The following TTC21B variants were observed in gnomAD, a reference collection of about 807,000 sequenced individuals.
TTC21B encodes the protein tetratricopeptide repeat domain 21B.
TTC21B carries 127 observed loss-of-function variants against 175.1 expected under a neutral mutation model. The observed-to-expected ratio is 0.73, with a 90% CI of 0.63 to 0.84. The LOEUF (loss-of-function observed/expected upper bound fraction) is 0.84, where lower values mean the gene tolerates loss of function less well. Ranked by LOEUF, TTC21B falls within the 40% of genes least tolerant of loss-of-function variation. TTC21B has a pLI of 0.00. For synonymous variants in TTC21B, 524 were observed against 524.5 expected (o/e 1.00, Z 0.01); for missense variants, 1,561 against 1,558.3 (o/e 1.00, Z -0.03).
chr2:165,949,861 T>C, intron 1 of TTC21B, 137 bp from the exon 2 acceptor site: 1 of 777,588 alleles, frequency 1.3e-6, no homozygotes, highest in Non-Finnish European at 2.1e-6. Context: ...TTTCTTAAAA[T>C]ACTATTAATG....
In TTC21B at chr2:165,901,713, G is replaced by T. The variant is rs1158816068; in HGVS notation, c.2757+9C>A. 1 of 1,611,664 alleles carries T rather than the reference G, an allele frequency of 6.2e-7. No homozygotes were observed. The highest frequency in any genetic ancestry group is 8.5e-7 in the Non-Finnish European group (1 of 1,177,968). On this transcript the variant is annotated intron_variant, in intron 20 of 28. Transcript: ENST00000243344. ...TAAAAGGTATTTAAAATTTTATAAA[G>T]GTACTGACCTTATTATCTGTTTCGC...
chr2:165,889,550 G>A (rs2105290648), intron 24 of TTC21B, among the ~76,000 whole-genome samples: 1 of 152,076 alleles, frequency 6.6e-6, no homozygotes, highest in South Asian at 2.1e-4. Flanking sequence ...ATTTCCACTT[G>A]AATAGCTTAT....
rs1686556086 is a variant in TTC21B at position 165,924,632 on chromosome 2, A to G, written c.1433T>C (p.Ile478Thr). The change falls in exon 12 of 29, where the codon ATC (isoleucine) becomes ACC (threonine). Residue 478 changes from isoleucine (I) to threonine (T), a missense_variant. Physicochemically the swap from Ile to Thr is moderately conservative, Grantham distance 89. Transcript: ENST00000243344. The stretch of plus-strand genomic sequence containing the variant: ...TCTTACTACAGTCTCCAGGACTGAG[A>G]TGCAACGCCTGAGAAGTGGACAAAG... Reference protein sequence around the residue: ...QPLCPLLRRCISVLETVVRTV... With the variant: ...QPLCPLLRRCTSVLETVVRTV... The G allele has an allele frequency of 6.2e-7, 1 of 1,613,690 alleles. No homozygotes were observed. Among genetic ancestry groups the G allele is most frequent in the African/African-American group, 1.3e-5 (1 of 74,916 alleles).
rs377617125 is a variant in TTC21B, at chr2:165,882,903, C to T, written c.3684+891G>A. On this transcript the variant is annotated intron_variant, in intron 26 of 28. Transcript: ENST00000243344. ...TTTTCAAAGCCTATTAATGAGCATT[C>T]GGCTTTTCAAAGCCAATTTAACATA... Among the ~76,000 whole-genome samples, 888 of 152,138 alleles carry T rather than the reference C, an allele frequency of 5.8e-3. 9 individuals carry two copies. The highest frequency in any genetic ancestry group is 0.02 in the African/African-American group (823 of 41,522).
intron 20 of TTC21B, among the ~76,000 whole-genome samples, chr2:165,901,431 C>T (rs1685554831): frequency 6.6e-6 from 1 of 152,072 alleles, no homozygotes; most frequent in Non-Finnish European, 1.5e-5. Context: ...AGCGATTCTC[C>T]TGCCTTAGCC....
At chr2:165,880,639 T>A in intron 27 of TTC21B, 40 bp downstream of exon 27, 1 of 1,609,452 alleles carries the variant, frequency 6.2e-7, no homozygotes, top group Non-Finnish European at 8.5e-7. Flanking sequence ...AAATACAACA[T>A]AATTTTTCTG....
In TTC21B at chr2:165,940,885, T is replaced by A. The variant is rs1050553225; in HGVS notation, c.710+142A>T. ...ATAAATTCAATGTTTAAAAGCAGTATGATTTTAAGTATTTCCTCGGTTCCA... is the reference window on the plus strand; with the variant it reads ...ATAAATTCAATGTTTAAAAGCAGTAAGATTTTAAGTATTTCCTCGGTTCCA... On this transcript the variant is annotated intron_variant, in intron 6 of 28. Coordinates refer to ENST00000243344, the MANE Select transcript of TTC21B (RefSeq NM_024753.5). 5 of 822,394 alleles carry A rather than the reference T, an allele frequency of 6.1e-6. No homozygotes were observed. The African/African-American group carries it at 7.0e-5, about 11-fold the overall frequency. The allele number at this position is 822,394 out of a possible 1,614,324, so 50.9% of individuals were successfully genotyped here.
intron 11 of TTC21B, among the ~76,000 whole-genome samples, chr2:165,926,991 C>T (rs1270348468): frequency 6.8e-4 from 10 of 14,618 alleles, no homozygotes; most frequent in Non-Finnish European, 1.1e-3. Flanking sequence ...TATAAACTCC[C>T]ATATATATAT....
chr2:165,875,125 A>AT (rs1300019524), intron 28 of TTC21B, among the ~76,000 whole-genome samples: 1 of 152,220 alleles, frequency 6.6e-6, no homozygotes, highest in Admixed American at 6.5e-5. Context: ...GATTTAAAAT[A>AT]TTTTTGTAAT....
intron 5 of TTC21B, among the ~76,000 whole-genome samples, chr2:165,942,682 T>C (rs112876107): frequency 0.012 from 1,820 of 152,300 alleles, 38 homozygotes; most frequent in African/African-American, 0.042. Flanking sequence ...CCCAGATGCC[T>C]GCAGGGCTTT....
intron 22 of TTC21B, among the ~76,000 whole-genome samples, chr2:165,895,807 G>A (rs1685343478): frequency 6.6e-6 from 1 of 151,974 alleles, no homozygotes; most frequent in Admixed American, 6.6e-5. Context: ...AGTATACTCT[G>A]GAATAGACAG....
At chr2:165,874,955 A>G (rs773621881) in intron 28 of TTC21B, 123 bp from the exon 29 acceptor site, 22 of 797,944 alleles carry the variant, frequency 2.8e-5, no homozygotes, top group Non-Finnish European at 3.8e-5. Flanking sequence ...TACAACAGCT[A>G]TAACACTTTT....
At chr2:165,886,673 T>C (rs183392316) in intron 25 of TTC21B, among the ~76,000 whole-genome samples, 1 of 152,236 alleles carries the variant, frequency 6.6e-6, no homozygotes. Flanking sequence ...ATAGTCCTTC[T>C]AGGAAATAGC....
intron 5 of TTC21B, among the ~76,000 whole-genome samples, chr2:165,941,560 A>C (rs1206260410): frequency 6.6e-6 from 1 of 152,144 alleles, no homozygotes; most frequent in Non-Finnish European, 1.5e-5. Context: ...GAAATTTTGC[A>C]TCTTTTTTAA....
chr2:165,914,364 T>C (rs2105322083), intron 15 of TTC21B, among the ~76,000 whole-genome samples: 1 of 152,282 alleles, frequency 6.6e-6, no homozygotes, highest in East Asian at 1.9e-4. Flanking sequence ...TGAATTATTT[T>C]CATATCATTA....
chr2:165,884,558 G>A (rs1049947907), intron 25 of TTC21B, among the ~76,000 whole-genome samples: 2 of 151,894 alleles, frequency 1.3e-5, no homozygotes, highest in African/African-American at 2.4e-5. Flanking sequence ...TTTGAATAAC[G>A]AAATGTTAAA....
intron 20 of TTC21B, among the ~76,000 whole-genome samples, chr2:165,901,228 G>T (rs906253709): frequency 6.6e-6 from 1 of 151,868 alleles, no homozygotes; most frequent in African/African-American, 2.4e-5. Flanking sequence ...TTAATGTAAG[G>T]CATCATGTAA....
At position 165,874,619 on chromosome 2, in the gene TTC21B, C is replaced by T; in HGVS notation, c.*136G>A. 2 of 752,840 alleles carry T rather than the reference C, an allele frequency of 2.7e-6. No individual in the cohort carries two copies. The highest frequency in any genetic ancestry group is 4.6e-6 in the Non-Finnish European group (2 of 432,862). The allele number at this position is 752,840 out of a possible 1,614,324, so 46.6% of individuals were successfully genotyped here. The stretch of plus-strand genomic sequence containing the variant: ...ACATAGTACTTCTCTTGATGTACAG[C>T]AGCAACCTCTGCTGGAGAAAAAAGG... On this transcript the variant is annotated 3_prime_UTR_variant, in exon 29 of 29. Transcript: ENST00000243344.
In TTC21B at chr2:165,912,614, G is replaced by A; in HGVS notation, c.2222C>T (p.Ala741Val). ...TAATGCTTGCTCATATGCTACTATG[G>A]CTTCTTCAGGCTAATATTGCCAGAC... is the stretch of plus-strand genomic sequence containing the variant. ...AYMNILEPEEAIVAYEQALNQ... is the reference protein window; with the variant it reads ...AYMNILEPEEVIVAYEQALNQ... The change falls in exon 17 of 29, where the codon GCC becomes GTC. Residue 741 changes from alanine to valine, a missense_variant. Transcript: ENST00000243344. The A allele has an allele frequency of 6.2e-7, 1 of 1,613,696 alleles. No individual in the cohort carries two copies. The highest frequency in any genetic ancestry group is 1.1e-5 in the South Asian group (1 of 91,064).
Sources: allele counts gnomAD v4.1 joint callset (sites outside exome capture counted in the v4.1 genomes callset), GRCh38; gene constraint gnomAD v4.1.1; transcripts MANE v1.5; gene names NCBI Gene and HGNC (gene_info 2026-07-23, HGNC 2026-07-21).